Variants in PTCHD4 observed in about 807,000 individuals in gnomAD.
PTCHD4 encodes patched domain containing 4, also known as patched domain-containing protein 4.
Under a neutral mutation model 58.1 loss-of-function variants are expected in PTCHD4, and 33 were observed. The ratio of observed to expected loss-of-function variants is 0.57; its 90% CI spans 0.43 to 0.76. The LOEUF is 0.76. Among genes scored for constraint, PTCHD4 ranks in the 30% least tolerant of loss-of-function variants. PTCHD4 has a pLI of 0.00. For synonymous variants in PTCHD4, 478 were observed against 409.6 expected, an observed-to-expected ratio of 1.17 and a Z score of -2.02; for missense variants, 1,058 against 1,027.1, an observed-to-expected ratio of 1.03 and a Z score of -0.41.
chr6:47,886,119 ATTT>A (rs34214628), intron 4 of PTCHD4, among the ~76,000 whole-genome samples: 161 of 145,926 alleles, frequency 1.1e-3, no homozygotes, highest in African/African-American at 4.0e-3. Context: ...CGATGGCAAG[ATTT>A]TTTTTTTTTT....
chr6:47,933,211 T>C (rs1023976489), intron 4 of PTCHD4, among the ~76,000 whole-genome samples: 1 of 152,124 alleles, frequency 6.6e-6, no homozygotes, highest in East Asian at 1.9e-4. Flanking sequence ...AGGAACCCAA[T>C]TGAACAAATG....
intron 3 of PTCHD4, among the ~76,000 whole-genome samples, chr6:48,058,413 A>G (rs1764492988): frequency 6.6e-6 from 1 of 152,208 alleles, no homozygotes; most frequent in South Asian, 2.1e-4. Context: ...GTTTTGACTG[A>G]GTGGGGGAAA....
intron 4 of PTCHD4, among the ~76,000 whole-genome samples, chr6:47,930,992 C>T (rs1037656173): frequency 6.6e-6 from 1 of 152,172 alleles, no homozygotes; most frequent in Non-Finnish European, 1.5e-5. Flanking sequence ...ACCATGTTGG[C>T]TAAGCTGGTC....
chr6:47,995,375 G>T (rs958656041), intron 4 of PTCHD4, among the ~76,000 whole-genome samples: 1 of 152,132 alleles, frequency 6.6e-6, no homozygotes, highest in African/African-American at 2.4e-5. Context: ...AAATTCATCA[G>T]GTAGCACTGC....
chr6:47,944,711 A>T (rs922196492), intron 4 of PTCHD4, among the ~76,000 whole-genome samples: 2 of 152,084 alleles, frequency 1.3e-5, no homozygotes, highest in Admixed American at 6.6e-5. Context: ...TCTGTTTGCA[A>T]TGAAACTTGG....
chr6:48,078,549 A>G (rs890508568), intron 1 of PTCHD4, among the ~76,000 whole-genome samples: 11 of 152,216 alleles, frequency 7.2e-5, no homozygotes, highest in African/African-American at 2.7e-4. Flanking sequence ...GAAGAAGTAC[A>G]ACAAATTTTT....
intron 1 of PTCHD4, among the ~76,000 whole-genome samples, chr6:48,070,878 C>A (rs747603777): frequency 9.2e-5 from 14 of 152,194 alleles, no homozygotes; most frequent in Admixed American, 3.3e-4. Flanking sequence ...TATCTATCGT[C>A]CATTTTCTAT....
chr6:47,922,744 T>C (rs1005213865), intron 4 of PTCHD4, among the ~76,000 whole-genome samples: 2 of 152,212 alleles, frequency 1.3e-5, no homozygotes, highest in African/African-American at 4.8e-5. Context: ...GACTCTGTGA[T>C]ACAAGGAAAC....
intron 4 of PTCHD4, among the ~76,000 whole-genome samples, chr6:47,982,552 G>C (rs1238614553): frequency 6.8e-6 from 1 of 147,792 alleles, no homozygotes; most frequent in Non-Finnish European, 1.5e-5. Flanking sequence ...GCAGTGGCGC[G>C]ATCTCAGCTC....
intron 3 of PTCHD4, among the ~76,000 whole-genome samples, chr6:48,035,973 C>A (rs1763618720): frequency 6.6e-6 from 1 of 152,042 alleles, no homozygotes; most frequent in African/African-American, 2.4e-5. Context: ...TTACTAAGAT[C>A]ACCCCCTGAA....
intron 1 of PTCHD4, among the ~76,000 whole-genome samples, chr6:48,110,430 A>C (rs73479669): frequency 1.3e-3 from 194 of 152,218 alleles, no homozygotes; most frequent in African/African-American, 4.6e-3. Context: ...AATAGAATAC[A>C]TAAAAGAAAC....
At chr6:48,016,802 T>C (rs1762884473) in intron 3 of PTCHD4, among the ~76,000 whole-genome samples, 1 of 150,582 alleles carries the variant, frequency 6.6e-6, no homozygotes, top group South Asian at 2.1e-4. Flanking sequence ...GATGGAGACA[T>C]TAATGTCACA....
intron 3 of PTCHD4, among the ~76,000 whole-genome samples, chr6:48,029,364 C>A (rs2114128494): frequency 6.6e-6 from 1 of 152,066 alleles, no homozygotes; most frequent in East Asian, 1.9e-4. Context: ...GACCATGCTA[C>A]TGAAGTGAGA....
Position 47,867,877 on chromosome 6 carries a change from A to G in PTCHD4, c.*10426T>C, listed in dbSNP as rs936073353. ...CTGAGCCTAGCACAGAGACCAATATAGGTGCTCCTAAATATGAGGTAAGTA... is the reference window on the plus strand; with the variant it reads ...CTGAGCCTAGCACAGAGACCAATATGGGTGCTCCTAAATATGAGGTAAGTA... On this transcript the variant is annotated 3_prime_UTR_variant, in exon 5 of 5. Transcript: ENST00000339488. Among the ~76,000 whole-genome samples, 2 of 151,768 alleles carry G rather than the reference A, an allele frequency of 1.3e-5. No individual in the cohort carries two copies. Among genetic ancestry groups the G allele is most frequent in the African/African-American group, 4.8e-5 (2 of 41,386 alleles).
rs551215361 is a variant in PTCHD4 at position 48,053,266 on chromosome 6, A to G, written c.417+14964T>C. Among the ~76,000 whole-genome samples the G allele has an allele frequency of 3.9e-5, 6 of 152,294 alleles. No homozygotes were observed. The South Asian group carries it at 1.2e-3, about 32-fold the overall frequency. On this transcript the variant is annotated intron_variant, in intron 3 of 4. Coordinates refer to ENST00000339488, the MANE Select transcript of PTCHD4 (RefSeq NM_001384253.1). ...TCTTGTTTAAGCTAAGACTGATTAA[A>G]ATTCTTTAATATCATGCTTTTAATA...
At chr6:48,021,128 TA>T (rs1299633403) in intron 3 of PTCHD4, among the ~76,000 whole-genome samples, 18 of 152,078 alleles carry the variant, frequency 1.2e-4, no homozygotes, top group Non-Finnish European at 2.9e-5. Flanking sequence ...ATCCTATTTT[TA>T]AAAATAGTAT....
At chr6:47,914,739 A>G (rs1037965966) in intron 4 of PTCHD4, among the ~76,000 whole-genome samples, 2 of 112,660 alleles carry the variant, frequency 1.8e-5, no homozygotes, top group Non-Finnish European at 3.8e-5. Flanking sequence ...TCTATTATCT[A>G]TCTATTATCT....
rs144039118 is a variant in PTCHD4, at chr6:48,079,891, G to C, written c.-969-9965C>G. Among the ~76,000 whole-genome samples, 408 of 147,050 alleles carry C rather than the reference G, an allele frequency of 2.8e-3. 2 individuals carry two copies. Among genetic ancestry groups the C allele is most frequent in the African/African-American group, 8.8e-3 (351 of 40,050 alleles). On this transcript the variant is annotated intron_variant, in intron 1 of 4. Transcript: ENST00000339488. ...GTATATTGGTGAAGAGATTTGGGTA[G>C]AATTTATAGCCAATTTGGGATTATT... is the stretch of plus-strand genomic sequence containing the variant.
intron 4 of PTCHD4, among the ~76,000 whole-genome samples, chr6:47,981,968 A>T (rs1767896189): frequency 6.6e-6 from 1 of 152,266 alleles, no homozygotes; most frequent in East Asian, 1.9e-4. Flanking sequence ...CTCTTGGGAC[A>T]TTCCTCTGAC....
Sources: gnomAD v4.1 joint callset for allele counts (sites outside exome capture counted in the v4.1 genomes callset) on GRCh38, gnomAD v4.1.1 for gene constraint, MANE v1.5 for transcripts, NCBI Gene and HGNC (gene_info 2026-07-23, HGNC 2026-07-21) for gene names.